The following EXOC4 variants were observed in gnomAD, a reference collection of about 807,000 sequenced individuals.
EXOC4 encodes SEC8-like 1.
EXOC4 carries 71 observed loss-of-function variants against 107.2 expected under a neutral mutation model. The ratio of observed to expected loss-of-function variants is 0.66; its 90% CI spans 0.55 to 0.81. The LOEUF (loss-of-function observed/expected upper bound fraction) is 0.81, where lower values mean the gene tolerates loss of function less well. EXOC4 is among the 30% of genes least tolerant of loss of function. The probability of loss-of-function intolerance (pLI) is 0.00; values close to 1 mark genes in which losing one functional copy is unlikely to be tolerated. For missense variants in EXOC4, 1,108 were observed against 1,189.6 expected (o/e 0.93, Z 1.01); for synonymous variants, 456 against 441.2 (o/e 1.03, Z -0.42).
At chr7:133,978,442 G>T (rs1474396039) in intron 14 of EXOC4, among the ~76,000 whole-genome samples, 1 of 152,206 alleles carries the variant, frequency 6.6e-6, no homozygotes, top group Non-Finnish European at 1.5e-5. Flanking sequence ...TCCTGGTCCA[G>T]TCTTCTCTGA....
At chr7:133,348,821 T>C (rs1795843619) in intron 5 of EXOC4, among the ~76,000 whole-genome samples, 1 of 152,232 alleles carries the variant, frequency 6.6e-6, no homozygotes, top group Non-Finnish European at 1.5e-5. Flanking sequence ...AAATGACTTT[T>C]TTTGATCTGC....
intron 5 of EXOC4, among the ~76,000 whole-genome samples, chr7:133,339,212 A>G (rs568852541): frequency 1.3e-5 from 2 of 152,048 alleles, no homozygotes; most frequent in Admixed American, 6.5e-5. Flanking sequence ...GTTCCTTTTT[A>G]TGGCTGATTA....
intron 9 of EXOC4, among the ~76,000 whole-genome samples, chr7:133,593,484 G>A (rs1334778195): frequency 1.3e-5 from 2 of 152,158 alleles, no homozygotes; most frequent in Non-Finnish European, 2.9e-5. Flanking sequence ...TATAACGTGT[G>A]CGATTATAAA....
At chr7:133,502,317 C>G (rs956259547) in intron 9 of EXOC4, among the ~76,000 whole-genome samples, 18 of 152,108 alleles carry the variant, frequency 1.2e-4, no homozygotes, top group African/African-American at 3.9e-4. Context: ...TGCACAATAT[C>G]TGTTGTAAAT....
intron 7 of EXOC4, among the ~76,000 whole-genome samples, chr7:133,421,236 T>C (rs1018532813): frequency 2.0e-5 from 3 of 152,156 alleles, no homozygotes; most frequent in Non-Finnish European, 2.9e-5. Context: ...TAATGCCTTA[T>C]TCACAGAGCT....
chr7:133,406,436 T>C (rs1220019995), intron 7 of EXOC4, among the ~76,000 whole-genome samples: 3 of 152,188 alleles, frequency 2.0e-5, no homozygotes, highest in African/African-American at 7.2e-5. Context: ...TATATTACTA[T>C]TGCGCCTCTG....
At chr7:134,030,128 C>T (rs750482693) in intron 17 of EXOC4, among the ~76,000 whole-genome samples, 3 of 151,938 alleles carry the variant, frequency 2.0e-5, no homozygotes, top group Non-Finnish European at 4.4e-5. Context: ...CACAGTAGAC[C>T]TCAGTAATGG....
intron 10 of EXOC4, among the ~76,000 whole-genome samples, chr7:133,762,070 CT>C (rs1257439958): frequency 6.6e-6 from 1 of 152,070 alleles, no homozygotes; most frequent in Non-Finnish European, 1.5e-5. Flanking sequence ...TCATTGGGTA[CT>C]TGGTTATAGG....
At position 133,426,903 on chromosome 7, in the gene EXOC4, G is replaced by C. The variant is rs1029223226; in HGVS notation, c.1183-48425G>C. On this transcript the variant is annotated intron_variant, in intron 7 of 17. Coordinates refer to ENST00000253861, the MANE Select transcript of EXOC4 (RefSeq NM_021807.4). The stretch of plus-strand genomic sequence containing the variant: ...TTAAGGTATAACAGGGAATTGAGCA[G>C]TTTATATTGACAGTGTGATCCATGG... Among the ~76,000 whole-genome samples, 6 of 152,182 alleles carry C rather than the reference G, an allele frequency of 3.9e-5. No individual in the cohort carries two copies. The East Asian group carries it at 7.7e-4, about 20-fold the overall frequency.
chr7:133,459,379 C>G (rs1237468593), intron 7 of EXOC4, among the ~76,000 whole-genome samples: 2 of 152,150 alleles, frequency 1.3e-5, no homozygotes, highest in Non-Finnish European at 2.9e-5. Context: ...CAAGGCTAAT[C>G]CTACTGTGAT....
chr7:133,367,917 T>C (rs1194158405), intron 6 of EXOC4, among the ~76,000 whole-genome samples: 2 of 152,224 alleles, frequency 1.3e-5, no homozygotes, highest in African/African-American at 4.8e-5. Flanking sequence ...AGTCTTACTT[T>C]CTTAGGGATC....
intron 11 of EXOC4, among the ~76,000 whole-genome samples, chr7:133,830,367 G>A (rs940983853): frequency 6.6e-6 from 1 of 152,222 alleles, no homozygotes; most frequent in Admixed American, 6.5e-5. Flanking sequence ...AGGCTGGCCT[G>A]CCAGTTAATT....
chr7:133,984,753 G>C (rs373574753), intron 14 of EXOC4, among the ~76,000 whole-genome samples: 1 of 152,176 alleles, frequency 6.6e-6, no homozygotes, highest in East Asian at 1.9e-4. Flanking sequence ...AGGGCTCGAA[G>C]GATGGCCCTT....
intron 1 of EXOC4, among the ~76,000 whole-genome samples, chr7:133,259,391 A>C (rs550420893): frequency 2.0e-5 from 3 of 151,880 alleles, no homozygotes; most frequent in African/African-American, 7.2e-5. Context: ...ATGCCCAGCT[A>C]ATTGAATGTA....
Position 133,598,386 on chromosome 7 carries a change from G to A in EXOC4, c.1418-31659G>A, listed in dbSNP as rs116720573. The stretch of plus-strand genomic sequence containing the variant: ...GCTGTGCCAATATCAGCAGAATGAT[G>A]TCTGATGTTCTAGAGACTGCAGAAC... On this transcript the variant is annotated intron_variant, in intron 9 of 17. Coordinates refer to ENST00000253861, the MANE Select transcript of EXOC4 (RefSeq NM_021807.4). Among the ~76,000 whole-genome samples the A allele has an allele frequency of 7.0e-3, 1,068 of 152,286 alleles. 16 individuals are homozygous for A. Among genetic ancestry groups the A allele is most frequent in the African/African-American group, 0.024 (1,018 of 41,554 alleles).
chr7:133,750,631 A>C (rs1795777225), intron 10 of EXOC4, among the ~76,000 whole-genome samples: 1 of 150,098 alleles, frequency 6.7e-6, no homozygotes, highest in African/African-American at 2.5e-5. Context: ...CCCAGGCTGG[A>C]GCACAGTGGC....
chr7:133,765,550 TG>T (rs1371332556), intron 10 of EXOC4, among the ~76,000 whole-genome samples: 2 of 152,034 alleles, frequency 1.3e-5, no homozygotes, highest in Admixed American at 6.6e-5. Flanking sequence ...TCATAGTTTT[TG>T]TATGTTTAGG....
intron 10 of EXOC4, among the ~76,000 whole-genome samples, chr7:133,797,626 GC>G (rs1435249957): frequency 6.6e-6 from 1 of 152,176 alleles, no homozygotes; most frequent in Non-Finnish European, 1.5e-5. Context: ...GAAAACGGTG[GC>G]TGCATGTGTC....
intron 14 of EXOC4, among the ~76,000 whole-genome samples, chr7:133,945,603 C>T (rs1355333257): frequency 6.6e-6 from 1 of 152,178 alleles, no homozygotes; most frequent in Non-Finnish European, 1.5e-5. Flanking sequence ...GAATCTGTGT[C>T]TCTCAACACA....
Sources: allele counts gnomAD v4.1 joint callset (sites outside exome capture counted in the v4.1 genomes callset), GRCh38; gene constraint gnomAD v4.1.1; transcripts MANE v1.5; gene names NCBI Gene and HGNC (gene_info 2026-07-23, HGNC 2026-07-21).